The following GRIA1 variants were observed in gnomAD, a reference collection of about 807,000 sequenced individuals.
GRIA1 encodes glutamate receptor 1.
In GRIA1, 31 loss-of-function variants were observed where a neutral mutation model predicts 99.2. The ratio of observed to expected loss-of-function variants is 0.31; its 90% CI spans 0.23 to 0.42. The LOEUF (loss-of-function observed/expected upper bound fraction) is 0.42, where lower values mean the gene tolerates loss of function less well. Ranked by LOEUF, GRIA1 falls within the 10% of genes least tolerant of loss-of-function variation. The pLI is 1.00. For synonymous variants in GRIA1, 438 were observed against 432.4 expected, an observed-to-expected ratio of 1.01 and a Z score of -0.16; for missense variants, 782 against 1,157.5, an observed-to-expected ratio of 0.68 and a Z score of 4.71.
intron 2 of GRIA1, among the ~76,000 whole-genome samples, chr5:153,572,126 G>A (rs1581248367): frequency 6.6e-6 from 1 of 152,270 alleles, no homozygotes; most frequent in East Asian, 1.9e-4. Context: ...AATCCAAGGT[G>A]GCTCCTATAA....
At chr5:153,652,951 G>T (rs1420146773) in intron 4 of GRIA1, among the ~76,000 whole-genome samples, 1 of 152,108 alleles carries the variant, frequency 6.6e-6, no homozygotes, top group Admixed American at 6.6e-5. Flanking sequence ...TTCAGTAACT[G>T]CATACAGTCT....
intron 2 of GRIA1, among the ~76,000 whole-genome samples, chr5:153,555,542 G>A (rs1760556926): frequency 6.6e-6 from 1 of 152,166 alleles, no homozygotes; most frequent in Non-Finnish European, 1.5e-5. Flanking sequence ...CTCCTGGCAG[G>A]TATTTTCCCC....
At chr5:153,543,805 T>C (rs1759356096) in intron 2 of GRIA1, among the ~76,000 whole-genome samples, 1 of 152,190 alleles carries the variant, frequency 6.6e-6, no homozygotes, top group South Asian at 2.1e-4. Flanking sequence ...TCAATAGATA[T>C]TTGGTTTTCT....
intron 5 of GRIA1, among the ~76,000 whole-genome samples, chr5:153,657,106 G>A (rs969401136): frequency 1.3e-5 from 2 of 152,012 alleles, no homozygotes; most frequent in Non-Finnish European, 2.9e-5. Context: ...CCATTTTTCA[G>A]TTCATGCACA....
chr5:153,741,355 A>G (rs947478629), intron 11 of GRIA1, among the ~76,000 whole-genome samples: 7 of 152,222 alleles, frequency 4.6e-5, no homozygotes, highest in African/African-American at 1.7e-4. Context: ...GGTTCCTTAG[A>G]AAATTAAAAA....
intron 9 of GRIA1, 99 bp from the exon 10 acceptor site, chr5:153,698,768 C>G (rs913747903): frequency 2.6e-6 from 2 of 764,668 alleles, no homozygotes; most frequent in African/African-American, 3.4e-5. Context: ...GAGCCTTCCC[C>G]AGTGTTAACC....
intron 8 of GRIA1, among the ~76,000 whole-genome samples, chr5:153,687,803 A>C (rs1406748495): frequency 6.6e-6 from 1 of 152,192 alleles, no homozygotes; most frequent in African/African-American, 2.4e-5. Flanking sequence ...CCTCACAGCC[A>C]ATCTTATCTC....
chr5:153,788,422 G>C (rs137933239), intron 13 of GRIA1, among the ~76,000 whole-genome samples: 1 of 152,016 alleles, frequency 6.6e-6, no homozygotes, highest in Non-Finnish European at 1.5e-5. Context: ...GGTTTAAAAG[G>C]GTCTGTCATT....
At chr5:153,737,151 A>T (rs542791607) in intron 11 of GRIA1, among the ~76,000 whole-genome samples, 165 of 152,172 alleles carry the variant, frequency 1.1e-3, no homozygotes, top group African/African-American at 3.7e-3. Flanking sequence ...TGCATAATGT[A>T]TTATCTTATC....
rs1403567232 is a variant in GRIA1, at chr5:153,674,559, C to T, written c.759C>T (p.Phe253=). 3 of 1,614,056 alleles carry T rather than the reference C, an allele frequency of 1.9e-6. No homozygotes were observed. Among genetic ancestry groups the T allele is most frequent in the Non-Finnish European group, 1.7e-6 (2 of 1,179,970 alleles). Reference sequence around the variant, plus strand: ...AGAGTGGCGCCAATGTGACAGGTTTCCAGCTGGTGAACTACACAGACACTA... The same window carrying T: ...AGAGTGGCGCCAATGTGACAGGTTTTCAGCTGGTGAACTACACAGACACTA... ...FKESGANVTG[F]QLVNYTDTIP... Residue 253 remains phenylalanine, a synonymous_variant, in exon 6 of 16, where the codon TTC becomes TTT. Transcript: ENST00000285900.
At chr5:153,624,465 T>C (rs1767389751) in intron 2 of GRIA1, among the ~76,000 whole-genome samples, 1 of 152,190 alleles carries the variant, frequency 6.6e-6, no homozygotes, top group African/African-American at 2.4e-5. Flanking sequence ...AGTTTCTCAC[T>C]GATCCTCCTC....
At chr5:153,493,566 A>C (rs1754123606) in intron 1 of GRIA1, among the ~76,000 whole-genome samples, 2 of 152,124 alleles carry the variant, frequency 1.3e-5, no homozygotes, top group South Asian at 4.1e-4. Flanking sequence ...CTAGAGGGTG[A>C]GGGGGCTTAT....
intron 11 of GRIA1, among the ~76,000 whole-genome samples, chr5:153,736,851 C>T (rs1257288655): frequency 6.6e-6 from 1 of 152,168 alleles, no homozygotes; most frequent in African/African-American, 2.4e-5. Context: ...TTCCACCCCT[C>T]CTCAGTTATT....
chr5:153,747,924 G>A (rs533295566), intron 11 of GRIA1, among the ~76,000 whole-genome samples: 4 of 152,290 alleles, frequency 2.6e-5, no homozygotes, highest in East Asian at 1.9e-4. Context: ...TTCCCATCAC[G>A]CTTGGTGTGT....
Position 153,707,426 on chromosome 5 carries a change from C to A in GRIA1, c.1823+1359C>A, listed in dbSNP as rs934874600. ...TCTGACTACATTCTGGATGTGCATGCCACAATTCCCCACCAATTTGCCTGA... is the reference window on the plus strand; with the variant it reads ...TCTGACTACATTCTGGATGTGCATGACACAATTCCCCACCAATTTGCCTGA... On this transcript the variant is annotated intron_variant, in intron 11 of 15. Transcript: ENST00000285900. Among the ~76,000 whole-genome samples, 4 of 152,194 alleles carry A rather than the reference C, an allele frequency of 2.6e-5. No homozygotes were observed. The East Asian group carries it at 7.7e-4, about 29-fold the overall frequency.
At chr5:153,545,968 T>C (rs1189972045) in intron 2 of GRIA1, among the ~76,000 whole-genome samples, 1 of 152,218 alleles carries the variant, frequency 6.6e-6, no homozygotes, top group Non-Finnish European at 1.5e-5. Flanking sequence ...TTCAATTTTA[T>C]GTGTAACTCC....
intron 2 of GRIA1, among the ~76,000 whole-genome samples, chr5:153,500,091 TG>T (rs1169004530): frequency 6.6e-6 from 1 of 152,274 alleles, no homozygotes; most frequent in Non-Finnish European, 1.5e-5. Flanking sequence ...GGTTGACTCT[TG>T]GCTCTTATTA....
intron 5 of GRIA1, among the ~76,000 whole-genome samples, chr5:153,667,375 A>C (rs1270958993): frequency 6.6e-6 from 1 of 152,246 alleles, no homozygotes; most frequent in Non-Finnish European, 1.5e-5. Context: ...AAGGAAATCC[A>C]GCTTTGAAGA....
At chr5:153,738,382 G>C (rs555164573) in intron 11 of GRIA1, among the ~76,000 whole-genome samples, 1 of 152,106 alleles carries the variant, frequency 6.6e-6, no homozygotes, top group Non-Finnish European at 1.5e-5. Context: ...GACACAGACT[G>C]TGTGTTAATG....
Sources: gnomAD v4.1 joint callset for allele counts (sites outside exome capture counted in the v4.1 genomes callset) on GRCh38, gnomAD v4.1.1 for gene constraint, MANE v1.5 for transcripts, NCBI Gene and HGNC (gene_info 2026-07-23, HGNC 2026-07-21) for gene names.